The following UNC5D variants were observed in gnomAD, a reference collection of about 807,000 sequenced individuals.
UNC5D encodes netrin receptor UNC5D.
UNC5D carries 39 observed loss-of-function variants against 105.4 expected under a neutral mutation model. The observed-to-expected ratio is 0.37, with a 90% confidence interval of 0.29 to 0.48. The LOEUF is 0.48. UNC5D is among the 20% of genes least tolerant of loss of function. The pLI is 0.98. For synonymous variants in UNC5D, 452 were observed against 450.4 expected (o/e 1.00, Z -0.04); for missense variants, 991 against 1,202.4 (o/e 0.82, Z 2.60).
intron 8 of UNC5D, among the ~76,000 whole-genome samples, chr8:35,712,991 A>G (rs894415806): frequency 1.3e-5 from 2 of 152,146 alleles, no homozygotes; most frequent in African/African-American, 4.8e-5. Flanking sequence ...TTCATCCTTC[A>G]GAATCATTCC....
chr8:35,321,646 C>T (rs559276593), intron 1 of UNC5D, among the ~76,000 whole-genome samples: 10 of 152,106 alleles, frequency 6.6e-5, no homozygotes, highest in Non-Finnish European at 1.3e-4. Context: ...CAAATACAGT[C>T]CTCTTGAGTG....
At chr8:35,380,205 GA>G (rs1802956562) in intron 1 of UNC5D, among the ~76,000 whole-genome samples, 1 of 149,330 alleles carries the variant, frequency 6.7e-6, no homozygotes. Context: ...GAGGGAGAGA[GA>G]GAGAGAGAGA....
intron 1 of UNC5D, among the ~76,000 whole-genome samples, chr8:35,463,596 C>A (rs1001476828): frequency 1.3e-4 from 18 of 137,512 alleles, no homozygotes; most frequent in Admixed American, 7.5e-4. Context: ...CATTTTTGAA[C>A]AAAGCAAGAC....
intron 1 of UNC5D, among the ~76,000 whole-genome samples, chr8:35,353,861 C>T (rs1462981802): frequency 6.6e-6 from 1 of 152,078 alleles, no homozygotes; most frequent in African/African-American, 2.4e-5. Flanking sequence ...ATTACATAAA[C>T]ATATGGTATT....
chr8:35,676,718 G>A (rs985502801), intron 4 of UNC5D, among the ~76,000 whole-genome samples: 1 of 152,096 alleles, frequency 6.6e-6, no homozygotes, highest in African/African-American at 2.4e-5. Context: ...CCATGAGAGT[G>A]GGCAGTAGCA....
At chr8:35,698,749 A>G (rs1586467938) in intron 7 of UNC5D, among the ~76,000 whole-genome samples, 1 of 152,278 alleles carries the variant, frequency 6.6e-6, no homozygotes, top group East Asian at 1.9e-4. Context: ...TCAATATATT[A>G]ATTTCATTTT....
rs748679740 is a variant in UNC5D at position 35,310,022 on chromosome 8, AG to A, written c.103+74137del. Among the ~76,000 whole-genome samples, 111 of 152,242 alleles carry A rather than the reference AG, an allele frequency of 7.3e-4. 1 individual carries two copies. The highest frequency in any genetic ancestry group is 1.6e-3 in the Admixed American group (25 of 15,284). On this transcript the variant is annotated intron_variant, in intron 1 of 16. Coordinates refer to ENST00000404895, the MANE Select transcript of UNC5D (RefSeq NM_080872.4). Reference sequence around the variant, plus strand: ...ATTCATAAGTGTTTCTGCAGTTTTGAGGTTATTCAAGATTCTTCATATCTTG... The same window carrying A: ...ATTCATAAGTGTTTCTGCAGTTTTGAGTTATTCAAGATTCTTCATATCTTG...
intron 1 of UNC5D, among the ~76,000 whole-genome samples, chr8:35,273,469 A>G (rs1251339939): frequency 1.3e-5 from 2 of 152,192 alleles, no homozygotes; most frequent in Admixed American, 1.3e-4. Flanking sequence ...TAGGATGAAA[A>G]AGCTTACAGC....
At chr8:35,464,964 A>G (rs189871777) in intron 1 of UNC5D, among the ~76,000 whole-genome samples, 1 of 152,248 alleles carries the variant, frequency 6.6e-6, no homozygotes, top group African/African-American at 2.4e-5. Flanking sequence ...CAATCCCCAT[A>G]TGAGTTCTGG....
intron 2 of UNC5D, among the ~76,000 whole-genome samples, chr8:35,566,173 C>T (rs74753119): frequency 0.019 from 2,882 of 152,246 alleles, 99 homozygotes; most frequent in African/African-American, 0.066. Context: ...TTTTCTGTTA[C>T]GTGGGTTCCT....
intron 1 of UNC5D, among the ~76,000 whole-genome samples, chr8:35,462,927 G>A (rs1301795250): frequency 6.6e-6 from 1 of 152,086 alleles, no homozygotes; most frequent in Non-Finnish European, 1.5e-5. Context: ...AACCATCTCG[G>A]GCACATAGCT....
At chr8:35,710,375 C>T (rs1827863566) in intron 8 of UNC5D, among the ~76,000 whole-genome samples, 1 of 152,028 alleles carries the variant, frequency 6.6e-6, no homozygotes, top group Non-Finnish European at 1.5e-5. Flanking sequence ...ATGGAGTTGG[C>T]CATTACTGGT....
rs117673433 is a variant in UNC5D at position 35,606,343 on chromosome 8, C to A, written c.570+10686C>A. Among the ~76,000 whole-genome samples, 563 of 152,244 alleles carry A rather than the reference C, an allele frequency of 3.7e-3. 1 individual carries two copies. The highest frequency in any genetic ancestry group is 0.02 in the Middle Eastern group (6 of 294). ...GAATGTGGTACATCCCGTACAATGA[C>A]CGAACCAATATTGATACATTCTTAT... On this transcript the variant is annotated intron_variant, in intron 4 of 16. Coordinates refer to ENST00000404895, the MANE Select transcript of UNC5D (RefSeq NM_080872.4).
At chr8:35,498,084 C>CAAAA (rs58175711) in intron 1 of UNC5D, among the ~76,000 whole-genome samples, 8 of 58,192 alleles carry the variant, frequency 1.4e-4, no homozygotes, top group African/African-American at 2.3e-4. Flanking sequence ...CAAAACAAAA[C>CAAAA]AAAAAAAAAA....
intron 1 of UNC5D, among the ~76,000 whole-genome samples, chr8:35,511,638 G>T (rs1360897537): frequency 6.6e-6 from 1 of 151,628 alleles, no homozygotes; most frequent in Non-Finnish European, 1.5e-5. Context: ...CTAATCCAGG[G>T]TTATCCAATC....
In UNC5D at chr8:35,759,428, C is replaced by A; in HGVS notation, c.2272C>A (p.Pro758Thr). ...FSLQISVLDI[P>T]PFLWRIKPFT... ...TCTTCAGATTTCTGTCCTTGATATT[C>A]CCCCATTCCTCTGGAGAATTAAACC... Residue 758 changes from proline (P) to threonine (T), a missense_variant, in exon 14 of 17, where the codon CCC becomes ACC. Pro to Thr is a conservative substitution (Grantham distance 38, BLOSUM62 -1). This residue lies in a region of UNC5D where 944 missense variants were observed against 1,131.6 expected (regional missense o/e 0.83). Coordinates refer to ENST00000404895, the MANE Select transcript of UNC5D (RefSeq NM_080872.4). The A allele has an allele frequency of 6.2e-7, 1 of 1,614,044 alleles. No individual in the cohort carries two copies. Among genetic ancestry groups the A allele is most frequent in the Non-Finnish European group, 8.5e-7 (1 of 1,179,966 alleles).
At chr8:35,305,601 C>CTTTCATTTCTTCTTTA in intron 1 of UNC5D, among the ~76,000 whole-genome samples, 1 of 145,544 alleles carries the variant, frequency 6.9e-6, no homozygotes, top group Non-Finnish European at 1.5e-5. Flanking sequence ...TTCTTTCTTT[C>CTTTCATTTCTTCTTTA]TTTCTTTCTT....
rs567691415 is a variant in UNC5D at position 35,273,745 on chromosome 8, G to A, written c.103+37858G>A. Among the ~76,000 whole-genome samples, 65 of 152,284 alleles carry A rather than the reference G, an allele frequency of 4.3e-4. 1 individual carries two copies. Among genetic ancestry groups the A allele is most frequent in the African/African-American group, 1.3e-3 (54 of 41,570 alleles). On this transcript the variant is annotated intron_variant, in intron 1 of 16. Coordinates refer to ENST00000404895, the MANE Select transcript of UNC5D (RefSeq NM_080872.4). ...ATTTGAAAATTCTTGCCACTTGACC[G>A]ATGGGTGTTTTTTGGCTTGCATAAA... is the stretch of plus-strand genomic sequence containing the variant.
At chr8:35,272,390 G>A (rs936207912) in intron 1 of UNC5D, among the ~76,000 whole-genome samples, 5 of 152,120 alleles carry the variant, frequency 3.3e-5, no homozygotes, top group African/African-American at 1.2e-4. Context: ...CAGCTCTGAG[G>A]GGAAGAGAAG....
Sources: allele counts gnomAD v4.1 joint callset (sites outside exome capture counted in the v4.1 genomes callset), GRCh38; gene constraint gnomAD v4.1.1; regional missense constraint gnomAD v4.1.1; transcripts MANE v1.5; gene names NCBI Gene and HGNC (gene_info 2026-07-23, HGNC 2026-07-21).